TRIP12: variants seen among roughly 807,000 people sequenced by gnomAD.
The protein encoded by TRIP12 is E3 ubiquitin-protein ligase TRIP12.
Under a neutral mutation model 244.2 loss-of-function variants are expected in TRIP12, and 25 were observed. That is an observed-to-expected ratio of 0.10 (90% confidence interval 0.07 to 0.14). The LOEUF (loss-of-function observed/expected upper bound fraction) is 0.14, where lower values mean the gene tolerates loss of function less well. Ranked by LOEUF, TRIP12 falls within the 10% of genes least tolerant of loss-of-function variation. The probability of loss-of-function intolerance (pLI) is 1.00; values close to 1 mark genes in which losing one functional copy is unlikely to be tolerated. For synonymous variants in TRIP12, 905 were observed against 873.1 expected (o/e 1.04, Z -0.64); for missense variants, 1,677 against 2,486.4 (o/e 0.67, Z 6.92).
intron 1 of TRIP12, among the ~76,000 whole-genome samples, chr2:229,882,938 G>A (rs1437213741): frequency 6.6e-6 from 1 of 152,168 alleles, no homozygotes; most frequent in African/African-American, 2.4e-5. Context: ...GAACAAAGCT[G>A]TTTATCAAAT....
rs748913245 is a variant in TRIP12, at chr2:229,771,651, C to CA, written c.5695-20dup. 4 of 1,581,904 alleles carry CA rather than the reference C, an allele frequency of 2.5e-6. No individual in the cohort carries two copies. The African/African-American group carries it at 5.4e-5, about 21-fold the overall frequency. On this transcript the variant is annotated intron_variant, in intron 38 of 41. Transcript: ENST00000675903. The stretch of plus-strand genomic sequence containing the variant: ...TAACCAGCTGCAAAAAGAAAGTTTT[C>CA]AAAAAACTGTGACAAGATTTCAAAT...
intron 25 of TRIP12, 35 bp from the exon 26 acceptor site, chr2:229,795,365 GCCTT>G: frequency 1.3e-6 from 2 of 1,567,824 alleles, no homozygotes; most frequent in Non-Finnish European, 1.7e-6. Context: ...GTTAAACAAA[GCCTT>G]TTCAAAACAA....
At chr2:229,903,309 G>A (rs1428985793) in intron 1 of TRIP12, among the ~76,000 whole-genome samples, 4 of 151,950 alleles carry the variant, frequency 2.6e-5, no homozygotes, top group African/African-American at 9.7e-5. Context: ...TGTCGTGCAA[G>A]GAAAAACAAA....
chr2:229,775,788 T>A (rs1466309967), intron 37 of TRIP12, among the ~76,000 whole-genome samples: 1 of 151,778 alleles, frequency 6.6e-6, no homozygotes, highest in African/African-American at 2.4e-5. Context: ...CATCTGTATA[T>A]ATACTTTATT....
At chr2:229,809,933 G>C in intron 15 of TRIP12, among the ~76,000 whole-genome samples, 1 of 152,028 alleles carries the variant, frequency 6.6e-6, no homozygotes, top group East Asian at 1.9e-4. Flanking sequence ...AGACAGAGTG[G>C]GACCAAAGAC....
chr2:229,897,055 T>C lies in TRIP12; in HGVS notation c.-49-16927A>G, dbSNP rs369469140. On this transcript the variant is annotated intron_variant, in intron 1 of 41. Coordinates refer to ENST00000675903, the MANE Select transcript of TRIP12 (RefSeq NM_001348323.3). ...GGATGTTGATCACAGGAAAAGGCTA[T>C]GCATGTTGAGGGGTAGAGGAGTGTA... Among the ~76,000 whole-genome samples the C allele has an allele frequency of 1.4e-4, 21 of 152,310 alleles. No individual in the cohort carries two copies. In the East Asian group the frequency reaches 3.3e-3, roughly 24 times the overall value.
chr2:229,864,706 T>G (rs2061197693), intron 2 of TRIP12, among the ~76,000 whole-genome samples: 1 of 152,190 alleles, frequency 6.6e-6, no homozygotes, highest in African/African-American at 2.4e-5. Context: ...CACGTTATAT[T>G]GACATTATTT....
At position 229,789,517 on chromosome 2, in the gene TRIP12, G is replaced by A; in HGVS notation, c.4695+94C>T. The A allele has an allele frequency of 2.0e-6, 3 of 1,463,978 alleles. No individual in the cohort carries two copies. The South Asian group carries it at 4.0e-5, about 20-fold the overall frequency. The allele number at this position is 1,463,978 out of a possible 1,614,324, so 90.7% of individuals were successfully genotyped here. A position where few individuals can be genotyped will look rare whatever the true frequency, so the allele number is the denominator to read the frequency against. On this transcript the variant is annotated intron_variant, in intron 31 of 41. Coordinates refer to ENST00000675903, the MANE Select transcript of TRIP12 (RefSeq NM_001348323.3). ...TGTACTTTACTGGGCTAGGAGCCCT[G>A]CATTTAGCTGAATCACTGTTTCCAT...
At chr2:229,815,338 C>T in intron 9 of TRIP12, 30 bp from the exon 10 acceptor site, 1 of 1,309,276 alleles carries the variant, frequency 7.6e-7, no homozygotes, top group South Asian at 1.3e-5. Flanking sequence ...ATATTAGAAG[C>T]TATATTCCTT....
chr2:229,855,385 A>G (rs1294865389), intron 4 of TRIP12, among the ~76,000 whole-genome samples: 1 of 152,228 alleles, frequency 6.6e-6, no homozygotes, highest in Non-Finnish European at 1.5e-5. Context: ...CAGTAAATAC[A>G]TGCTACTTTG....
At chr2:229,823,770 T>C (rs76716741) in intron 8 of TRIP12, among the ~76,000 whole-genome samples, 2,263 of 152,170 alleles carry the variant, frequency 0.015, 61 homozygotes, top group African/African-American at 0.052. Context: ...GAGGATCACT[T>C]GAGGCCAAGG....
chr2:229,782,766 T>C (rs2038676317), intron 34 of TRIP12, among the ~76,000 whole-genome samples: 1 of 152,202 alleles, frequency 6.6e-6, no homozygotes, highest in Non-Finnish European at 1.5e-5. Context: ...AACTGCTAAA[T>C]CTATGATACT....
intron 6 of TRIP12, among the ~76,000 whole-genome samples, chr2:229,833,421 G>A (rs931368867): frequency 6.6e-6 from 1 of 152,138 alleles, no homozygotes; most frequent in South Asian, 2.1e-4. Context: ...CTGAGTAGCT[G>A]GTACCACAGG....
At chr2:229,876,981 C>T (rs1383665355) in intron 2 of TRIP12, among the ~76,000 whole-genome samples, 2 of 152,046 alleles carry the variant, frequency 1.3e-5, no homozygotes, top group Non-Finnish European at 2.9e-5. Flanking sequence ...TAGTCATGAG[C>T]CACCATGCTC....
chr2:229,846,802 AATTTTT>A (rs2057668869), intron 4 of TRIP12, among the ~76,000 whole-genome samples: 1 of 152,224 alleles, frequency 6.6e-6, no homozygotes, highest in Non-Finnish European at 1.5e-5. Flanking sequence ...TTTTAAAGCA[AATTTTT>A]ATTTCCTAGT....
intron 1 of TRIP12, among the ~76,000 whole-genome samples, chr2:229,912,817 G>A (rs1186509018): frequency 6.6e-6 from 1 of 152,124 alleles, no homozygotes; most frequent in Non-Finnish European, 1.5e-5. Flanking sequence ...CACCCTCTAA[G>A]AGGGCAGATC....
chr2:229,793,033 G>A lies in TRIP12; in HGVS notation c.4081C>T (p.Pro1361Ser). 1.2e-6 allele frequency: 2 copies of A among 1,613,854 alleles called. No homozygotes were observed. Among genetic ancestry groups the A allele is most frequent in the African/African-American group, 2.7e-5 (2 of 75,004 alleles). Reference protein sequence around the residue: ...CANVKQWKGGPVKIDPLALVQ... With the variant: ...CANVKQWKGGSVKIDPLALVQ... ...AAAGCCAGAGGGTCAATCTTGACAG[G>A]TCCACCCTTCCACTGCTTCACATTT... The change falls in exon 27 of 42, where the codon CCT (proline) becomes TCT (serine). Residue 1361 changes from proline (P) to serine (S), a missense_variant. Transcript: ENST00000675903.
In TRIP12 at chr2:229,778,352, G is replaced by C. The variant is rs572721040; in HGVS notation, c.5364+81C>G. On this transcript the variant is annotated intron_variant, in intron 36 of 41. Coordinates refer to ENST00000675903, the MANE Select transcript of TRIP12 (RefSeq NM_001348323.3). The surrounding 1 kb of genome is among the most constrained non-coding windows in gnomAD (Gnocchi z 4.1). The stretch of plus-strand genomic sequence containing the variant: ...TTGAGAAGCATTGCTCTAAACTATA[G>C]CAGTAAACTACAGGGGACTGAGGTA... 6.6e-6 allele frequency: 10 copies of C among 1,516,584 alleles called. No individual in the cohort carries two copies. The highest frequency in any genetic ancestry group is 1.8e-5 in the Admixed American group (1 of 54,170). The allele number at this position is 1,516,584 out of a possible 1,614,324, so 93.9% of individuals were successfully genotyped here.
chr2:229,873,132 A>G (rs1316176542), intron 2 of TRIP12, among the ~76,000 whole-genome samples: 1 of 152,244 alleles, frequency 6.6e-6, no homozygotes, highest in Admixed American at 6.5e-5. Flanking sequence ...CAGCAATAAA[A>G]CAAGAATAAG....
Sources: allele counts gnomAD v4.1 joint callset (sites outside exome capture counted in the v4.1 genomes callset), GRCh38; gene constraint gnomAD v4.1.1; non-coding constraint Gnocchi (gnomAD v3.1); transcripts MANE v1.5; gene names NCBI Gene and HGNC (gene_info 2026-07-23, HGNC 2026-07-21).